Variants in PCDHGB3 observed in about 807,000 individuals in gnomAD.
PCDHGB3 encodes the protein protocadherin gamma-B3.
PCDHGB3 carries 40 observed loss-of-function variants against 59.2 expected under a neutral mutation model. That is an observed-to-expected ratio of 0.68 (90% CI 0.52 to 0.88). The LOEUF is 0.88. Ranked by LOEUF, PCDHGB3 falls within the 40% of genes least tolerant of loss-of-function variation. The probability of loss-of-function intolerance (pLI) is 0.00; values close to 1 mark genes in which losing one functional copy is unlikely to be tolerated. For missense variants in PCDHGB3, 1,309 were observed against 1,187.9 expected (o/e 1.10, Z -1.50); for synonymous variants, 581 against 503.6 (o/e 1.15, Z -2.06).
intron 1 of PCDHGB3, among the ~76,000 whole-genome samples, chr5:141,453,095 G>T (rs1254113352): frequency 6.6e-6 from 1 of 151,962 alleles, no homozygotes; most frequent in African/African-American, 2.4e-5. Flanking sequence ...TATATTTTCT[G>T]TTGCTTTTTT....
intron 1 of PCDHGB3, among the ~76,000 whole-genome samples, chr5:141,488,348 C>G (rs1231687770): frequency 3.2e-4 from 49 of 152,106 alleles, no homozygotes; most frequent in Admixed American, 3.2e-3. Context: ...TAGAAACAGC[C>G]ACCCTGTGCA....
At position 141,486,047 on chromosome 5, in the gene PCDHGB3, C is replaced by G. The variant is rs763394605; in HGVS notation, c.2416-8760C>G. The G allele has an allele frequency of 3.1e-6, 5 of 1,614,172 alleles. No homozygotes were observed. The East Asian group carries it at 6.7e-5, about 22-fold the overall frequency. On this transcript the variant is annotated intron_variant, in intron 1 of 3. Transcript: ENST00000576222. This position sits in a 1 kb window ranked among gnomAD's most constrained non-coding sequence, Gnocchi z 5.0. ...TCATACCCCTGATCGTGTAAGAAAC[C>G]TCTTTAGCCTGCACCCCACTACTGG...
rs770760145 is a variant in PCDHGB3 at position 141,421,951 on chromosome 5, A to C, written c.2415+49142A>C. On this transcript the variant is annotated intron_variant, in intron 1 of 3. Transcript: ENST00000576222. Reference sequence around the variant, plus strand: ...CCTCGATGTAAATGATCACATCCCAATGTTTACACAGTCCGTATATCGCGT... The same window carrying C: ...CCTCGATGTAAATGATCACATCCCACTGTTTACACAGTCCGTATATCGCGT... 1.9e-6 allele frequency: 3 copies of C among 1,612,854 alleles called. No homozygotes were observed. The highest frequency in any genetic ancestry group is 2.5e-6 in the Non-Finnish European group (3 of 1,179,434).
intron 1 of PCDHGB3, chr5:141,390,425 G>A (rs908766072): frequency 9.6e-7 from 1 of 1,042,070 alleles, no homozygotes. Flanking sequence ...TTAAAAAGCT[G>A]TCATATCATT....
intron 1 of PCDHGB3, chr5:141,492,007 C>T (rs1261430567): frequency 3.0e-5 from 19 of 628,956 alleles, no homozygotes; most frequent in Non-Finnish European, 4.6e-5. Flanking sequence ...GCGATTTCCG[C>T]GGGTGTCGGG....
At chr5:141,478,108 G>A (rs1160328367) in intron 1 of PCDHGB3, 1 of 1,614,046 alleles carries the variant, frequency 6.2e-7, no homozygotes, top group Admixed American at 1.7e-5. Flanking sequence ...CCCTCACTGT[G>A]TCAGTAACCG....
chr5:141,458,701 C>A (rs1057501287), intron 1 of PCDHGB3, among the ~76,000 whole-genome samples: 3 of 152,088 alleles, frequency 2.0e-5, no homozygotes, highest in Non-Finnish European at 2.9e-5. Context: ...TCCCGAGTAG[C>A]TGGGATTACA....
In PCDHGB3 at chr5:141,477,696, A is replaced by T. The variant is rs778604051; in HGVS notation, c.2416-17111A>T. The T allele has an allele frequency of 2.1e-5, 34 of 1,614,054 alleles. No individual in the cohort carries two copies. Among genetic ancestry groups the T allele is most frequent in the Non-Finnish European group, 2.9e-5 (34 of 1,180,044 alleles). On this transcript the variant is annotated intron_variant, in intron 1 of 3. Transcript: ENST00000576222. This position sits in a 1 kb window ranked among gnomAD's most constrained non-coding sequence, Gnocchi z 4.9. ...GTGTCATCCTTAGTGCCCCTAGACT[A>T]TGAGGATCGGCGGGAATTTGAATTA...
intron 1 of PCDHGB3, chr5:141,422,606 C>A: frequency 6.2e-7 from 1 of 1,613,904 alleles, no homozygotes; most frequent in Non-Finnish European, 8.5e-7. Context: ...TCTTACTCTG[C>A]CTACATTCCC....
chr5:141,392,946 G>A, intron 1 of PCDHGB3: 2 of 1,613,940 alleles, frequency 1.2e-6, no homozygotes, highest in Non-Finnish European at 1.7e-6. Context: ...AGGCTCCTTC[G>A]TGGGTAATAT....
At chr5:141,445,364 C>T (rs1374418361) in intron 1 of PCDHGB3, among the ~76,000 whole-genome samples, 1 of 152,158 alleles carries the variant, frequency 6.6e-6, no homozygotes, top group African/African-American at 2.4e-5. Flanking sequence ...CAAGTCTGGT[C>T]CTGGGTGGTT....
intron 1 of PCDHGB3, chr5:141,427,958 G>T: frequency 6.3e-7 from 1 of 1,588,408 alleles, no homozygotes; most frequent in Non-Finnish European, 8.6e-7. Flanking sequence ...ACAATGTGCC[G>T]CGGGTGCTGT....
intron 1 of PCDHGB3, among the ~76,000 whole-genome samples, chr5:141,380,667 T>G (rs552117625): frequency 1.1e-4 from 16 of 152,362 alleles, no homozygotes; most frequent in African/African-American, 3.6e-4. Flanking sequence ...ATTTACTCCA[T>G]AGGGTATGTA....
Position 141,417,741 on chromosome 5 carries a change from A to G in PCDHGB3, c.2415+44932A>G, listed in dbSNP as rs1035037382. ...CTGCGCAGACCTTGCCCAGCACACCAGATTGCCAGCTCCGAGACCCGGGAC... is the reference window on the plus strand; with the variant it reads ...CTGCGCAGACCTTGCCCAGCACACCGGATTGCCAGCTCCGAGACCCGGGAC... On this transcript the variant is annotated intron_variant, in intron 1 of 3. Coordinates refer to ENST00000576222, the MANE Select transcript of PCDHGB3 (RefSeq NM_018924.5). The G allele has an allele frequency of 1.7e-5, 24 of 1,413,756 alleles. No individual in the cohort carries two copies. The African/African-American group carries it at 1.7e-4, about 10-fold the overall frequency. The allele number at this position is 1,413,756 out of a possible 1,614,324, so 87.6% of individuals were successfully genotyped here.
At chr5:141,421,849 G>C in intron 1 of PCDHGB3, 4 of 1,613,766 alleles carry the variant, frequency 2.5e-6, no homozygotes, top group Non-Finnish European at 3.4e-6. Flanking sequence ...GAAAGAGGCT[G>C]CTCACCTGCT....
At chr5:141,397,267 A>G (rs1411112086) in intron 1 of PCDHGB3, among the ~76,000 whole-genome samples, 1 of 152,230 alleles carries the variant, frequency 6.6e-6, no homozygotes, top group East Asian at 1.9e-4. Flanking sequence ...TCTTAGCTAC[A>G]TCATATGGGC....
At position 141,486,493 on chromosome 5, in the gene PCDHGB3, T is replaced by C. The variant is rs761905572; in HGVS notation, c.2416-8314T>C. The C allele has an allele frequency of 1.2e-6, 2 of 1,614,136 alleles. No homozygotes were observed. The highest frequency in any genetic ancestry group is 1.7e-6 in the Non-Finnish European group (2 of 1,179,960). Reference sequence around the variant, plus strand: ...ACCCTCCTCTCAGTACCCACAGAACTATTTTCCTCAATATTTCAGATGTGA... The same window carrying C: ...ACCCTCCTCTCAGTACCCACAGAACCATTTTCCTCAATATTTCAGATGTGA... On this transcript the variant is annotated intron_variant, in intron 1 of 3. Transcript: ENST00000576222. The surrounding 1 kb of genome is among the most constrained non-coding windows in gnomAD (Gnocchi z 5.0).
chr5:141,477,697 T>G lies in PCDHGB3; in HGVS notation c.2416-17110T>G, dbSNP rs745625196. ...TGTCATCCTTAGTGCCCCTAGACTA[T>G]GAGGATCGGCGGGAATTTGAATTAA... On this transcript the variant is annotated intron_variant, in intron 1 of 3. Coordinates refer to ENST00000576222, the MANE Select transcript of PCDHGB3 (RefSeq NM_018924.5). The surrounding 1 kb of genome is among the most constrained non-coding windows in gnomAD (Gnocchi z 4.9). 6.2e-7 allele frequency: 1 copy of G among 1,614,160 alleles called. No homozygotes were observed. Among genetic ancestry groups the G allele is most frequent in the South Asian group, 1.1e-5 (1 of 91,090 alleles).
chr5:141,425,482 C>G (rs1257043728), intron 1 of PCDHGB3, among the ~76,000 whole-genome samples: 1 of 152,192 alleles, frequency 6.6e-6, no homozygotes, highest in East Asian at 1.9e-4. Flanking sequence ...CCTATGGCAA[C>G]CTACTAGGCT....
Sources: allele counts gnomAD v4.1 joint callset (sites outside exome capture counted in the v4.1 genomes callset), GRCh38; gene constraint gnomAD v4.1.1; non-coding constraint Gnocchi (gnomAD v3.1); transcripts MANE v1.5; gene names NCBI Gene and HGNC (gene_info 2026-07-23, HGNC 2026-07-21).